PCDHA11: variants seen among roughly 807,000 people sequenced by gnomAD.
PCDHA11 encodes protocadherin alpha-11.
PCDHA11 carries 61 observed loss-of-function variants against 70.3 expected under a neutral mutation model. That is an observed-to-expected ratio of 0.87 (90% confidence interval 0.71 to 1.07). PCDHA11 has a LOEUF of 1.07. Ranked by LOEUF, PCDHA11 falls within the 50% of genes least tolerant of loss-of-function variation. The pLI is 0.00. For synonymous variants in PCDHA11, 633 were observed against 555.1 expected (o/e 1.14, Z -1.97); for missense variants, 1,324 against 1,237.5 (o/e 1.07, Z -1.05).
intron 1 of PCDHA11, among the ~76,000 whole-genome samples, chr5:140,900,088 G>C (rs545975836): frequency 6.6e-6 from 1 of 152,240 alleles, no homozygotes; most frequent in African/African-American, 2.4e-5. Context: ...GCAGTTACAA[G>C]CATGCGCCAC....
In PCDHA11 at chr5:140,959,884, G is replaced by A. The variant is rs141989766; in HGVS notation, c.2392-19065G>A. On this transcript the variant is annotated intron_variant, in intron 1 of 3. Coordinates refer to ENST00000398640, the MANE Select transcript of PCDHA11 (RefSeq NM_018902.5). ...TAGCAAAATCTGTCAAGGAATACAC[G>A]AGTGGGATTTATATCAGAAAAATCA... Among the ~76,000 whole-genome samples, 570 of 152,254 alleles carry A rather than the reference G, an allele frequency of 3.7e-3. 1 individual carries two copies. The highest frequency in any genetic ancestry group is 6.9e-3 in the Non-Finnish European group (471 of 68,018).
chr5:140,922,409 C>A (rs1335922543), intron 1 of PCDHA11, among the ~76,000 whole-genome samples: 2 of 152,154 alleles, frequency 1.3e-5, no homozygotes, highest in Non-Finnish European at 2.9e-5. Context: ...TTAAAAAGAT[C>A]TAGGTACAGA....
At chr5:140,953,218 C>T (rs575250415) in intron 1 of PCDHA11, among the ~76,000 whole-genome samples, 2 of 152,272 alleles carry the variant, frequency 1.3e-5, no homozygotes, top group East Asian at 3.9e-4. Flanking sequence ...ATCTTTCTTG[C>T]TTCTGCTTGG....
At chr5:140,987,749 GT>G (rs1554249497) in intron 3 of PCDHA11, among the ~76,000 whole-genome samples, 1 of 152,142 alleles carries the variant, frequency 6.6e-6, no homozygotes, top group African/African-American at 2.4e-5. Context: ...GACCCAGGTT[GT>G]TCTGAGTATT....
At chr5:140,899,111 A>G (rs2067143820) in intron 1 of PCDHA11, among the ~76,000 whole-genome samples, 1 of 152,186 alleles carries the variant, frequency 6.6e-6, no homozygotes, top group Admixed American at 6.5e-5. Context: ...GGGGTTTTCT[A>G]GATATACAAT....
At chr5:140,877,276 G>T (rs1038142877) in intron 1 of PCDHA11, 4 of 1,613,744 alleles carry the variant, frequency 2.5e-6, no homozygotes, top group Admixed American at 1.7e-5. Flanking sequence ...CGCTGACTCC[G>T]GCTATAACGC....
chr5:140,972,056 G>A (rs995898254), intron 1 of PCDHA11, among the ~76,000 whole-genome samples: 8 of 152,106 alleles, frequency 5.3e-5, no homozygotes, highest in Non-Finnish European at 1.2e-4. Flanking sequence ...TCACCTAGTC[G>A]TATATATTAA....
Position 140,869,637 on chromosome 5 carries a change from T to A in PCDHA11, c.534T>A (p.Phe178Leu). The A allele has an allele frequency of 6.2e-7, 1 of 1,613,610 alleles. No individual in the cohort carries two copies. Among genetic ancestry groups the A allele is most frequent in the Non-Finnish European group, 8.5e-7 (1 of 1,179,870 alleles). The change falls in exon 1 of 4, where the codon TTT (phenylalanine) becomes TTA (leucine). Residue 178 changes from phenylalanine (F) to leucine (L), a missense_variant. Phe to Leu is a conservative substitution (Grantham distance 22). Coordinates refer to ENST00000398640, the MANE Select transcript of PCDHA11 (RefSeq NM_018902.5). ...ACAGGCTAAGTAAAAATGAGTATTT[T>A]TCTTTAGATTCACCAACAAATGGTA... ...LTYRLSKNEY[F>L]SLDSPTNGKQ...
At chr5:140,947,771 T>A (rs1167163964) in intron 1 of PCDHA11, among the ~76,000 whole-genome samples, 1 of 151,706 alleles carries the variant, frequency 6.6e-6, no homozygotes, top group Non-Finnish European at 1.5e-5. Flanking sequence ...AAAATTCTAT[T>A]GTAAATGGAT....
intron 1 of PCDHA11, among the ~76,000 whole-genome samples, chr5:140,881,116 TG>T (rs1181000408): frequency 3.3e-5 from 5 of 152,242 alleles, no homozygotes; most frequent in African/African-American, 7.2e-5. Flanking sequence ...CCTGGGATTT[TG>T]TGGCTTGGTA....
chr5:140,919,660 T>C (rs561238136), intron 1 of PCDHA11, among the ~76,000 whole-genome samples: 1 of 152,360 alleles, frequency 6.6e-6, no homozygotes, highest in African/African-American at 2.4e-5. Flanking sequence ...TTACCATATA[T>C]ATTTTAGCTT....
chr5:141,002,941 C>G (rs964416301), intron 3 of PCDHA11, among the ~76,000 whole-genome samples: 18 of 152,216 alleles, frequency 1.2e-4, no homozygotes, highest in African/African-American at 4.1e-4. Flanking sequence ...CACCCTCCAG[C>G]ACATGCCCCT....
Position 141,010,389 on chromosome 5 carries a change from G to A in PCDHA11, c.*452G>A. The A allele has an allele frequency of 1.4e-6, 2 of 1,400,314 alleles. No individual in the cohort carries two copies. Among genetic ancestry groups the A allele is most frequent in the Non-Finnish European group, 1.9e-6 (2 of 1,052,510 alleles). The allele number at this position is 1,400,314 out of a possible 1,614,324, so 86.7% of individuals were successfully genotyped here. ...TATGCGAGTGCCAGATATTGGCTGA[G>A]ACGAGCCAGCTTAGACTAATTGGTA... On this transcript the variant is annotated 3_prime_UTR_variant, in exon 4 of 4. Coordinates refer to ENST00000398640, the MANE Select transcript of PCDHA11 (RefSeq NM_018902.5).
intron 1 of PCDHA11, chr5:140,966,973 G>C (rs782189736): frequency 6.2e-7 from 1 of 1,602,934 alleles, no homozygotes; most frequent in Non-Finnish European, 8.5e-7. Context: ...GGCTTGAGCT[G>C]CGGCGCTTGG....
At chr5:140,992,430 C>T (rs1356224402) in intron 3 of PCDHA11, among the ~76,000 whole-genome samples, 1 of 152,042 alleles carries the variant, frequency 6.6e-6, no homozygotes, top group Non-Finnish European at 1.5e-5. Flanking sequence ...GAATATTGTT[C>T]CAAGAGTTGG....
chr5:140,998,893 C>T (rs144409989), intron 3 of PCDHA11, among the ~76,000 whole-genome samples: 1 of 152,306 alleles, frequency 6.6e-6, no homozygotes, highest in African/African-American at 2.4e-5. Flanking sequence ...GAATAAATAA[C>T]AATGCCTCCG....
intron 1 of PCDHA11, among the ~76,000 whole-genome samples, chr5:140,956,797 G>T (rs1224324866): frequency 6.6e-6 from 1 of 152,040 alleles, no homozygotes; most frequent in Non-Finnish European, 1.5e-5. Flanking sequence ...TGCTTGGTGG[G>T]CTATTTATTA....
At chr5:140,879,025 A>G (rs557183400) in intron 1 of PCDHA11, among the ~76,000 whole-genome samples, 36 of 152,342 alleles carry the variant, frequency 2.4e-4, no homozygotes, top group African/African-American at 8.7e-4. Flanking sequence ...TGTTTTATTG[A>G]AGAGTGTCTT....
chr5:140,897,311 C>T (rs1460942002), intron 1 of PCDHA11, among the ~76,000 whole-genome samples: 7 of 150,308 alleles, frequency 4.7e-5, no homozygotes, highest in Non-Finnish European at 7.4e-5. Context: ...TTAGGTATAT[C>T]TCCTAAAGCT....
Sources: allele counts gnomAD v4.1 joint callset (sites outside exome capture counted in the v4.1 genomes callset), GRCh38; gene constraint gnomAD v4.1.1; transcripts MANE v1.5; gene names NCBI Gene and HGNC (gene_info 2026-07-23, HGNC 2026-07-21).